CSMD1: variants seen among roughly 807,000 people sequenced by gnomAD.
CSMD1 encodes CUB and sushi domain-containing protein 1.
In CSMD1, 213 loss-of-function variants were observed where a neutral mutation model predicts 417.5. That is an observed-to-expected ratio of 0.51 (90% CI 0.46 to 0.57). The LOEUF is 0.57. CSMD1 is among the 20% of genes least tolerant of loss of function. The probability of loss-of-function intolerance (pLI) is 0.00; values close to 1 mark genes in which losing one functional copy is unlikely to be tolerated. For synonymous variants in CSMD1, 2,862 were observed against 1,736.8 expected, an observed-to-expected ratio of 1.65 and a Z score of -16.11; for missense variants, 6,923 against 4,529.7, an observed-to-expected ratio of 1.53 and a Z score of -15.17.
At position 4,400,468 on chromosome 8, in the gene CSMD1, C is replaced by A. The variant is rs933427211; in HGVS notation, c.415+19485G>T. On this transcript the variant is annotated intron_variant, in intron 3 of 69. Coordinates refer to ENST00000635120, the MANE Select transcript of CSMD1 (RefSeq NM_033225.6). ...GACATCGAGATTCATTCATTTGCTCCACGCAAATTCTTGTGTTCAGCAACA... is the reference window on the plus strand; with the variant it reads ...GACATCGAGATTCATTCATTTGCTCAACGCAAATTCTTGTGTTCAGCAACA... Among the ~76,000 whole-genome samples, 3 of 152,316 alleles carry A rather than the reference C, an allele frequency of 2.0e-5. No individual in the cohort carries two copies. The East Asian group carries it at 5.8e-4, about 29-fold the overall frequency.
chr8:3,293,453 T>G (rs774411810), intron 25 of CSMD1, among the ~76,000 whole-genome samples: 39 of 152,356 alleles, frequency 2.6e-4, no homozygotes, highest in Non-Finnish European at 5.0e-4. Context: ...CCTGTCACTT[T>G]TAGGTACACC....
At chr8:3,147,517 A>G (rs11136584) in intron 40 of CSMD1, among the ~76,000 whole-genome samples, 9 of 152,192 alleles carry the variant, frequency 5.9e-5, no homozygotes, top group Admixed American at 2.0e-4. Flanking sequence ...TTCATTTCCT[A>G]CTTCAGCTGG....
At chr8:3,075,683 T>A (rs182455252) in intron 49 of CSMD1, among the ~76,000 whole-genome samples, 1 of 152,240 alleles carries the variant, frequency 6.6e-6, no homozygotes, top group Non-Finnish European at 1.5e-5. Flanking sequence ...CAGCTTATTT[T>A]TTTGTCCCTT....
intron 3 of CSMD1, among the ~76,000 whole-genome samples, chr8:4,358,149 A>G (rs940927765): frequency 1.3e-5 from 2 of 152,202 alleles, no homozygotes; most frequent in Admixed American, 6.5e-5. Context: ...CAAAATTTCC[A>G]TGCATGCAAA....
intron 1 of CSMD1, among the ~76,000 whole-genome samples, chr8:4,959,742 C>T (rs966213525): frequency 4.7e-4 from 72 of 152,328 alleles, no homozygotes; most frequent in African/African-American, 1.7e-3. Context: ...GACCAACTTA[C>T]ACCAGAAGTC....
chr8:4,540,549 G>T (rs1301578590), intron 2 of CSMD1, among the ~76,000 whole-genome samples: 1 of 152,058 alleles, frequency 6.6e-6, no homozygotes, highest in Non-Finnish European at 1.5e-5. Flanking sequence ...AAACCTAATG[G>T]ATGGGAAAGA....
rs546235220 is a variant in CSMD1 at position 4,331,859 on chromosome 8, TA to T, written c.415+88093del. On this transcript the variant is annotated intron_variant, in intron 3 of 69. Transcript: ENST00000635120. Reference sequence around the variant, plus strand: ...TTCCTCATAGCACAATCCATTTGCTTAAAAAAATACATAATACATAGCTAGA... The same window carrying T: ...TTCCTCATAGCACAATCCATTTGCTTAAAAAATACATAATACATAGCTAGA... Among the ~76,000 whole-genome samples, 416 of 152,220 alleles carry T rather than the reference TA, an allele frequency of 2.7e-3. 4 individuals carry two copies. The highest frequency in any genetic ancestry group is 0.023 in the Admixed American group (351 of 15,282).
intron 3 of CSMD1, among the ~76,000 whole-genome samples, chr8:4,251,177 T>C (rs532234996): frequency 3.2e-4 from 48 of 152,218 alleles, no homozygotes; most frequent in East Asian, 1.9e-4. Context: ...AAGAAAGGAA[T>C]ATAATAGAAA....
intron 5 of CSMD1, among the ~76,000 whole-genome samples, chr8:3,773,688 G>A (rs1798742280): frequency 6.6e-6 from 1 of 152,168 alleles, no homozygotes; most frequent in African/African-American, 2.4e-5. Flanking sequence ...TACAGCAACA[G>A]CATCTTAATT....
intron 50 of CSMD1, among the ~76,000 whole-genome samples, chr8:3,037,012 T>C (rs571014719): frequency 2.0e-5 from 3 of 152,272 alleles, no homozygotes; most frequent in South Asian, 2.1e-4. Flanking sequence ...GTCCACTGTA[T>C]CATTCTTATG....
At chr8:4,520,240 G>A (rs980424495) in intron 2 of CSMD1, among the ~76,000 whole-genome samples, 7 of 151,964 alleles carry the variant, frequency 4.6e-5, no homozygotes, top group Non-Finnish European at 8.8e-5. Flanking sequence ...TTTTACCTGG[G>A]CTTTTGGGAT....
chr8:4,282,264 G>T (rs1483437708), intron 3 of CSMD1, among the ~76,000 whole-genome samples: 1 of 152,100 alleles, frequency 6.6e-6, no homozygotes, highest in East Asian at 1.9e-4. Context: ...TAATCCATGT[G>T]AACCTGTCAT....
At chr8:3,813,653 C>A (rs1405219296) in intron 5 of CSMD1, among the ~76,000 whole-genome samples, 2 of 152,158 alleles carry the variant, frequency 1.3e-5, no homozygotes, top group East Asian at 1.9e-4. Flanking sequence ...GTTAATTATA[C>A]AAAATTATTT....
chr8:3,461,004 G>C (rs895318618), intron 12 of CSMD1, among the ~76,000 whole-genome samples: 1 of 152,202 alleles, frequency 6.6e-6, no homozygotes, highest in Admixed American at 6.5e-5. Context: ...TGGAATGGCA[G>C]TCCTCAGGAA....
chr8:4,761,934 TCTA>T (rs1812133764), intron 1 of CSMD1, among the ~76,000 whole-genome samples: 12 of 147,964 alleles, frequency 8.1e-5, no homozygotes, highest in African/African-American at 2.5e-4. Context: ...TATCTATCTA[TCTA>T]TCTATCTATC....
At chr8:3,524,574 C>T (rs1585303354) in intron 10 of CSMD1, among the ~76,000 whole-genome samples, 2 of 141,452 alleles carry the variant, frequency 1.4e-5, no homozygotes, top group Non-Finnish European at 3.0e-5. Context: ...CATACCCAGA[C>T]ACTTATGCAC....
At chr8:4,159,681 C>T (rs974866209) in intron 3 of CSMD1, among the ~76,000 whole-genome samples, 10 of 152,130 alleles carry the variant, frequency 6.6e-5, no homozygotes, top group South Asian at 2.1e-4. Flanking sequence ...CTCCCCCTCC[C>T]GGGTTCACGC....
At chr8:4,128,348 C>G (rs773949514) in intron 3 of CSMD1, among the ~76,000 whole-genome samples, 1 of 152,078 alleles carries the variant, frequency 6.6e-6, no homozygotes, top group East Asian at 1.9e-4. Flanking sequence ...AGAACGTGAA[C>G]CAAGTAAAAA....
intron 7 of CSMD1, among the ~76,000 whole-genome samples, chr8:3,620,204 A>T (rs921819082): frequency 6.6e-6 from 1 of 152,162 alleles, no homozygotes; most frequent in Non-Finnish European, 1.5e-5. Context: ...CCATCCTTCA[A>T]AAATGAAAGG....
Sources: gnomAD v4.1 joint callset for allele counts (sites outside exome capture counted in the v4.1 genomes callset) on GRCh38, gnomAD v4.1.1 for gene constraint, MANE v1.5 for transcripts, NCBI Gene and HGNC (gene_info 2026-07-23, HGNC 2026-07-21) for gene names.